The following NAV3 variants were observed in gnomAD, a reference collection of about 807,000 sequenced individuals.
NAV3 encodes the protein neuron navigator 3.
NAV3 carries 87 observed loss-of-function variants against 244.7 expected under a neutral mutation model. The observed-to-expected ratio is 0.36, with a 90% CI of 0.30 to 0.42. The LOEUF (loss-of-function observed/expected upper bound fraction) is 0.42. Among genes scored for constraint, NAV3 ranks in the 20% least tolerant of loss-of-function variants. The pLI, the probability that NAV3 is intolerant of heterozygous loss-of-function variation, is 1.00. For missense variants in NAV3, 2,663 were observed against 2,893.3 expected (o/e 0.92, Z 1.83); for synonymous variants, 1,126 against 1,042.2 (o/e 1.08, Z -1.55).
intron 35 of NAV3, 152 bp downstream of exon 35, chr12:78,197,553 C>A (rs1251744196): frequency 3.8e-6 from 2 of 532,738 alleles, no homozygotes; most frequent in South Asian, 7.1e-5. Context: ...ATTGTGTACA[C>A]CATGATGTTT....
intron 2 of NAV3, among the ~76,000 whole-genome samples, chr12:77,791,923 T>C (rs1871194397): frequency 6.6e-6 from 1 of 152,220 alleles, no homozygotes; most frequent in African/African-American, 2.4e-5. Flanking sequence ...GGTTATATGT[T>C]AATACTACAT....
intron 1 of NAV3, among the ~76,000 whole-genome samples, chr12:77,921,800 A>C (rs1042065652): frequency 6.6e-6 from 1 of 152,122 alleles, no homozygotes; most frequent in African/African-American, 2.4e-5. Context: ...CTGAAAATGT[A>C]TGGGTATTGT....
At chr12:78,198,525 A>C in intron 35 of NAV3, 80 bp from the exon 36 acceptor site, 1 of 779,048 alleles carries the variant, frequency 1.3e-6, no homozygotes, top group Non-Finnish European at 2.1e-6. Context: ...TATCTATCCT[A>C]GTAGTTTTCC....
chr12:78,103,831 A>C (rs1178339645), intron 12 of NAV3, among the ~76,000 whole-genome samples: 1 of 152,222 alleles, frequency 6.6e-6, no homozygotes, highest in Non-Finnish European at 1.5e-5. Context: ...ATGATCTCCA[A>C]CCAGGTGCCT....
chr12:77,823,706 C>T (rs545101341), intron 2 of NAV3, among the ~76,000 whole-genome samples: 4 of 152,182 alleles, frequency 2.6e-5, no homozygotes, highest in African/African-American at 7.2e-5. Context: ...AAAATGTCTA[C>T]CATCTAGTAA....
intron 38 of NAV3, 74 bp from the exon 39 acceptor site, chr12:78,204,860 TC>T: frequency 7.6e-7 from 1 of 1,319,282 alleles, no homozygotes; most frequent in Non-Finnish European, 1.1e-6. Flanking sequence ...AAAAATCACA[TC>T]CAACTAGCAG....
chr12:77,858,862 T>A (rs1878784102), intron 1 of NAV3, among the ~76,000 whole-genome samples: 1 of 152,096 alleles, frequency 6.6e-6, no homozygotes, highest in Non-Finnish European at 1.5e-5. Context: ...TCATTAAGTA[T>A]TCAACTGGAT....
intron 37 of NAV3, 48 bp from the exon 38 acceptor site, chr12:78,200,425 A>G (rs1257962939): frequency 7.6e-6 from 9 of 1,188,128 alleles, no homozygotes; most frequent in African/African-American, 3.1e-5. Flanking sequence ...ATGTGTTTAG[A>G]TTATTAAATA....
chr12:77,918,204 G>C lies in NAV3; in HGVS notation c.244-22115G>C, dbSNP rs145789951. On this transcript the variant is annotated intron_variant, in intron 1 of 39. Coordinates refer to ENST00000397909, the MANE Select transcript of NAV3 (RefSeq NM_001024383.2). ...GATTCTTCTGGCTGTCATTACTAAA[G>C]CTCTTCCTAAATAAAATACATTTAA... 1.4e-4 allele frequency among the ~76,000 whole-genome samples: 22 copies of C among 152,144 alleles called. No individual in the cohort carries two copies. The East Asian group carries it at 4.3e-3, about 29-fold the overall frequency.
At chr12:78,015,402 G>A (rs1353818413) in intron 8 of NAV3, among the ~76,000 whole-genome samples, 1 of 151,944 alleles carries the variant, frequency 6.6e-6, no homozygotes, top group Non-Finnish European at 1.5e-5. Flanking sequence ...TGACTTTCAT[G>A]ATATTGATAT....
intron 1 of NAV3, among the ~76,000 whole-genome samples, chr12:77,842,825 A>G (rs1315071868): frequency 6.6e-6 from 1 of 152,062 alleles, no homozygotes. Flanking sequence ...TTCTAAGGTA[A>G]TTTGTCTGTA....
intron 2 of NAV3, among the ~76,000 whole-genome samples, chr12:77,792,121 T>C (rs1027717005): frequency 6.6e-6 from 1 of 152,230 alleles, no homozygotes; most frequent in African/African-American, 2.4e-5. Context: ...GCAACTGGAC[T>C]TATTTTCTTC....
chr12:77,925,030 C>T (rs1345178136), intron 1 of NAV3, among the ~76,000 whole-genome samples: 8 of 151,974 alleles, frequency 5.3e-5, no homozygotes, highest in African/African-American at 1.7e-4. Flanking sequence ...ACTCCAGGCT[C>T]CATACTTTCC....
chr12:78,032,647 G>A (rs766126693), intron 9 of NAV3, among the ~76,000 whole-genome samples: 18 of 152,174 alleles, frequency 1.2e-4, no homozygotes, highest in African/African-American at 1.7e-4. Context: ...TGCCATTGAA[G>A]AAGTAGCTTA....
In NAV3 at chr12:78,050,038, C is replaced by G. The variant is rs748623202; in HGVS notation, c.2069C>G (p.Ala690Gly). 6.2e-7 allele frequency: 1 copy of G among 1,613,110 alleles called. No homozygotes were observed. The highest frequency in any genetic ancestry group is 8.5e-7 in the Non-Finnish European group (1 of 1,179,648). Residue 690 changes from alanine (A) to glycine (G), a missense_variant, in exon 10 of 40, where the codon GCA becomes GGA. Around this residue, in one of 6 missense-constraint regions of NAV3, gnomAD observed 1,521 missense variants for 1,497.0 expected, o/e 1.02. Transcript: ENST00000397909. ...AGAATGAGAACAGTTAAAAACATAGCAGACTTGAGGCAGAATTTAGAAGAG... is the reference window on the plus strand; with the variant it reads ...AGAATGAGAACAGTTAAAAACATAGGAGACTTGAGGCAGAATTTAGAAGAG... ...TRRMRTVKNI[A>G]DLRQNLEETM...
chr12:78,138,555 A>G (rs1173689291), intron 19 of NAV3, among the ~76,000 whole-genome samples: 1 of 152,136 alleles, frequency 6.6e-6, no homozygotes, highest in Non-Finnish European at 1.5e-5. Flanking sequence ...CAGACAGTGA[A>G]TTATATCCAA....
At chr12:77,869,016 G>A (rs1041636506) in intron 1 of NAV3, among the ~76,000 whole-genome samples, 5 of 151,570 alleles carry the variant, frequency 3.3e-5, no homozygotes, top group African/African-American at 1.2e-4. Context: ...AGGTTGCAGT[G>A]AACCGAGATC....
chr12:78,057,856 A>G (rs1883740564), intron 11 of NAV3, among the ~76,000 whole-genome samples: 1 of 152,158 alleles, frequency 6.6e-6, no homozygotes, highest in South Asian at 2.1e-4. Context: ...ACCTTAGGAA[A>G]CTGTCTGCAT....
intron 2 of NAV3, among the ~76,000 whole-genome samples, chr12:77,667,972 C>T (rs976410057): frequency 3.9e-5 from 6 of 152,206 alleles, no homozygotes; most frequent in African/African-American, 9.6e-5. Flanking sequence ...CACATCACAG[C>T]GTTCTTTGCA....
Sources: allele counts gnomAD v4.1 joint callset (sites outside exome capture counted in the v4.1 genomes callset), GRCh38; gene constraint gnomAD v4.1.1; regional missense constraint gnomAD v4.1.1; transcripts MANE v1.5; gene names NCBI Gene and HGNC (gene_info 2026-07-23, HGNC 2026-07-21).